GRIN2A: variants seen among roughly 807,000 people sequenced by gnomAD.
GRIN2A encodes glutamate receptor ionotropic, NMDA 2A.
Under a neutral mutation model 113.4 loss-of-function variants are expected in GRIN2A, and 22 were observed. The observed-to-expected ratio is 0.19, with a 90% CI of 0.14 to 0.28. GRIN2A has a LOEUF of 0.28. GRIN2A is among the 10% of genes least tolerant of loss of function. GRIN2A has a pLI of 1.00. For missense variants in GRIN2A, 1,502 were observed against 1,887.0 expected (o/e 0.80, Z 3.78); for synonymous variants, 827 against 738.4 (o/e 1.12, Z -1.94).
At chr16:9,965,324 G>A (rs943503490) in intron 2 of GRIN2A, among the ~76,000 whole-genome samples, 1 of 152,126 alleles carries the variant, frequency 6.6e-6, no homozygotes, top group Non-Finnish European at 1.5e-5. Context: ...GGTGGTAAAC[G>A]GAACTTTGTT....
At position 9,965,200 on chromosome 16, in the gene GRIN2A, A is replaced by C. The variant is rs1392457223; in HGVS notation, c.415-26649T>G. Among the ~76,000 whole-genome samples, 3 of 152,226 alleles carry C rather than the reference A, an allele frequency of 2.0e-5. No individual in the cohort carries two copies. In the East Asian group the frequency reaches 5.8e-4, roughly 29 times the overall value. On this transcript the variant is annotated intron_variant, in intron 2 of 12. Transcript: ENST00000330684. ...GCATACTCACACGCTGGCAGAACAA[A>C]GACTGCAGGGTGTTTCAGCATCTCC... is the stretch of plus-strand genomic sequence containing the variant.
intron 2 of GRIN2A, among the ~76,000 whole-genome samples, chr16:10,120,269 C>T (rs1299378694): frequency 6.6e-6 from 1 of 152,138 alleles, no homozygotes; most frequent in Non-Finnish European, 1.5e-5. Flanking sequence ...GGACTGCTAC[C>T]TGCATTTAGT....
chr16:9,902,704 T>G (rs2043952355), intron 3 of GRIN2A, among the ~76,000 whole-genome samples: 2 of 152,012 alleles, frequency 1.3e-5, no homozygotes, highest in African/African-American at 2.4e-5. Context: ...CACACACTTC[T>G]TTATTTTTCC....
chr16:9,861,522 C>A (rs1474394361), intron 4 of GRIN2A, among the ~76,000 whole-genome samples: 1 of 152,146 alleles, frequency 6.6e-6, no homozygotes, highest in Non-Finnish European at 1.5e-5. Flanking sequence ...CTGCTTGAAA[C>A]CAAAAGCAGA....
chr16:10,017,454 G>C (rs988075275), intron 2 of GRIN2A, among the ~76,000 whole-genome samples: 1 of 152,084 alleles, frequency 6.6e-6, no homozygotes, highest in African/African-American at 2.4e-5. Context: ...GCATGTTCTA[G>C]AGCCAAACAG....
At chr16:10,086,709 A>G (rs2048092932) in intron 2 of GRIN2A, among the ~76,000 whole-genome samples, 1 of 152,024 alleles carries the variant, frequency 6.6e-6, no homozygotes, top group Non-Finnish European at 1.5e-5. Context: ...ATGTACCAGG[A>G]CCAGGCAAGC....
intron 2 of GRIN2A, among the ~76,000 whole-genome samples, chr16:9,958,998 A>G (rs1004057121): frequency 3.3e-5 from 5 of 152,194 alleles, no homozygotes; most frequent in African/African-American, 1.2e-4. Flanking sequence ...TTTATGTTGA[A>G]TCAGACAAAT....
At position 9,933,003 on chromosome 16, in the gene GRIN2A, A is replaced by T. The variant is rs138524883; in HGVS notation, c.1007+4956T>A. Among the ~76,000 whole-genome samples the T allele has an allele frequency of 1.3e-3, 205 of 152,296 alleles. 1 individual carries two copies. In the East Asian group the frequency reaches 0.017, roughly 13 times the overall value. ...CAACAGCCGGGATTCCACCAGCCAA[A>T]CAGGTCATGGTTTACCTTCACAATT... is the stretch of plus-strand genomic sequence containing the variant. On this transcript the variant is annotated intron_variant, in intron 3 of 12. Coordinates refer to ENST00000330684, the MANE Select transcript of GRIN2A (RefSeq NM_001134407.3).
intron 2 of GRIN2A, among the ~76,000 whole-genome samples, chr16:10,125,263 G>A (rs1238993988): frequency 6.6e-6 from 1 of 152,152 alleles, no homozygotes; most frequent in Admixed American, 6.5e-5. Flanking sequence ...CTTTGACCCT[G>A]GTGACACAAC....
At chr16:10,096,360 T>C (rs1421067084) in intron 2 of GRIN2A, among the ~76,000 whole-genome samples, 1 of 152,074 alleles carries the variant, frequency 6.6e-6, no homozygotes, top group Non-Finnish European at 1.5e-5. Flanking sequence ...CAAATGCAGA[T>C]TCTTGGGCCT....
intron 10 of GRIN2A, among the ~76,000 whole-genome samples, chr16:9,820,510 T>C (rs1361168545): frequency 1.3e-5 from 2 of 152,132 alleles, no homozygotes; most frequent in Non-Finnish European, 2.9e-5. Flanking sequence ...GGCCCCAAAA[T>C]AGGACATTAC....
At chr16:10,022,983 T>C (rs920510968) in intron 2 of GRIN2A, among the ~76,000 whole-genome samples, 2 of 152,180 alleles carry the variant, frequency 1.3e-5, no homozygotes, top group Non-Finnish European at 2.9e-5. Context: ...GTTTGTAGAT[T>C]AACACAGGAA....
chr16:9,943,357 T>A (rs2044936144), intron 2 of GRIN2A: 1 of 152,166 alleles, frequency 6.6e-6, no homozygotes, highest in Non-Finnish European at 1.5e-5. Context: ...GGGTGTGGGA[T>A]TCTGGGTGTC....
At chr16:10,133,531 C>T (rs1433202543) in intron 2 of GRIN2A, among the ~76,000 whole-genome samples, 1 of 152,138 alleles carries the variant, frequency 6.6e-6, no homozygotes. Flanking sequence ...CGCTTGAACC[C>T]GGGAGGTGGA....
intron 3 of GRIN2A, among the ~76,000 whole-genome samples, chr16:9,919,837 A>G (rs867491382): frequency 2.6e-5 from 4 of 152,308 alleles, no homozygotes; most frequent in Non-Finnish European, 2.9e-5. Context: ...AGACCCTCCA[A>G]GCAATTTCCC....
At chr16:10,124,490 G>C (rs576076678) in intron 2 of GRIN2A, among the ~76,000 whole-genome samples, 1 of 152,110 alleles carries the variant, frequency 6.6e-6, no homozygotes, top group Non-Finnish European at 1.5e-5. Flanking sequence ...TTGTTTATCC[G>C]GGCAAGCGGA....
intron 2 of GRIN2A, among the ~76,000 whole-genome samples, chr16:10,104,727 A>G (rs2048462126): frequency 6.6e-6 from 1 of 152,180 alleles, no homozygotes; most frequent in Non-Finnish European, 1.5e-5. Context: ...AAAAATAAAT[A>G]TCCAGCCTTA....
intron 3 of GRIN2A, among the ~76,000 whole-genome samples, chr16:9,932,042 G>A (rs574777605): frequency 2.6e-4 from 40 of 152,312 alleles, no homozygotes; most frequent in African/African-American, 8.4e-4. Context: ...TAATCACAGA[G>A]CATTGAGTCA....
At chr16:9,770,352 A>G (rs1408201203) in intron 11 of GRIN2A, among the ~76,000 whole-genome samples, 2 of 152,260 alleles carry the variant, frequency 1.3e-5, no homozygotes, top group African/African-American at 4.8e-5. Flanking sequence ...TTCTCTTTGA[A>G]GAAGTCAATC....
Sources: allele counts gnomAD v4.1 joint callset (sites outside exome capture counted in the v4.1 genomes callset), GRCh38; gene constraint gnomAD v4.1.1; transcripts MANE v1.5; gene names NCBI Gene and HGNC (gene_info 2026-07-23, HGNC 2026-07-21).